The following PRAG1 variants were observed in gnomAD, a reference collection of about 807,000 sequenced individuals.
The protein encoded by PRAG1 is PEAK1 related, kinase-activating pseudokinase 1.
PRAG1 carries 110 observed loss-of-function variants against 95.6 expected under a neutral mutation model. The observed-to-expected ratio is 1.15, with a 90% CI of 0.99 to 1.35. The LOEUF (loss-of-function observed/expected upper bound fraction) is 1.35. PRAG1 is among the 40% of genes most tolerant of loss of function. The pLI is 0.00. For synonymous variants in PRAG1, 1,052 were observed against 819.4 expected (o/e 1.28, Z -4.85); for missense variants, 2,554 against 1,864.7 (o/e 1.37, Z -6.81).
chr8:8,348,569 G>C (rs982766976), intron 3 of PRAG1, among the ~76,000 whole-genome samples: 1 of 151,982 alleles, frequency 6.6e-6, no homozygotes, highest in Non-Finnish European at 1.5e-5. Context: ...TTTGTCCTCT[G>C]ATTGTCTCCA....
At chr8:8,376,113 A>G (rs1800376980) in intron 3 of PRAG1, 134 bp downstream of exon 3, 1 of 1,263,134 alleles carries the variant, frequency 7.9e-7, no homozygotes, top group Admixed American at 2.5e-5. Flanking sequence ...GACCCTGGGA[A>G]ATTTACATAA....
intron 4 of PRAG1, among the ~76,000 whole-genome samples, chr8:8,331,565 A>G (rs1355441504): frequency 1.3e-5 from 2 of 152,128 alleles, no homozygotes; most frequent in Non-Finnish European, 2.9e-5. Flanking sequence ...TCTCGGTTCA[A>G]TTGTTCTTCC....
At position 8,377,529 on chromosome 8, in the gene PRAG1, A is replaced by T. The variant is rs765286369; in HGVS notation, c.880T>A (p.Cys294Ser). Residue 294 changes from cysteine to serine, a missense_variant, in exon 3 of 6, where the codon TGT (cysteine) becomes AGT (serine). Physicochemically the swap from Cys to Ser is moderately radical, Grantham distance 112. Coordinates refer to ENST00000615670, the MANE Select transcript of PRAG1 (RefSeq NM_001080826.3). ...CSPTCWEQGK[C>S]SGPAEQEKRG... ...TTCTCCTGCTCTGCGGGCCCGGAAC[A>T]CTTCCCCTGCTCCCAGCACGTGGGT... The T allele has an allele frequency of 6.3e-7, 1 of 1,583,386 alleles. No homozygotes were observed. The highest frequency in any genetic ancestry group is 8.6e-7 in the Non-Finnish European group (1 of 1,163,584).
intron 3 of PRAG1, among the ~76,000 whole-genome samples, chr8:8,347,850 T>C (rs1011961011): frequency 6.7e-6 from 1 of 148,614 alleles, no homozygotes; most frequent in Admixed American, 6.6e-5. Flanking sequence ...AAAGTCTCAC[T>C]CTGTCACCCA....
chr8:8,332,660 C>T (rs1798858477), intron 4 of PRAG1, among the ~76,000 whole-genome samples: 1 of 150,310 alleles, frequency 6.7e-6, no homozygotes, highest in South Asian at 2.1e-4. Context: ...TCCAGGCCTC[C>T]GAGGATCCTA....
chr8:8,342,228 C>G (rs1799192109), intron 3 of PRAG1, among the ~76,000 whole-genome samples: 1 of 145,556 alleles, frequency 6.9e-6, no homozygotes, highest in Admixed American at 6.9e-5. Context: ...GAGTCTTGCT[C>G]TGTTGCCCAG....
In PRAG1 at chr8:8,319,054, C is replaced by G. The variant is rs753323204; in HGVS notation, c.3321G>C (p.Ser1107=). Residue 1107 remains serine (S), a synonymous_variant, in exon 6 of 6, where the codon TCG becomes TCC. Transcript: ENST00000615670. ...CGGGCTCCGCCTGGTGGCTGGCCGC[C>G]GAGTCCCGCACGAAGTCGGAGGCGG... ...HQTASDFVRD[S]AASHQAEPEA... is the part of the protein sequence containing the mutation. 5 of 1,612,460 alleles carry G rather than the reference C, an allele frequency of 3.1e-6. No homozygotes were observed. Among genetic ancestry groups the G allele is most frequent in the East Asian group, 4.5e-5 (2 of 44,854 alleles).
At chr8:8,378,681 C>A (rs2921003) in intron 2 of PRAG1, among the ~76,000 whole-genome samples, 87,032 of 151,662 alleles carry the variant, frequency 0.57, 25,919 homozygotes, top group East Asian at 0.77. Flanking sequence ...GCAACATGGC[C>A]AAATCCCATC....
rs761693874 is a variant in PRAG1 at position 8,318,366 on chromosome 8, C to A, written c.4009G>T (p.Val1337Leu). 7 of 1,613,536 alleles carry A rather than the reference C, an allele frequency of 4.3e-6. No homozygotes were observed. The South Asian group carries it at 7.7e-5, about 18-fold the overall frequency. ...TCCTCCGAGGTGCCCGGCTGCTGCA[C>A]CAGCTCGCGCCGAGGCCCCCACAGC... The part of the protein sequence containing the change: ...CLLWGPRREL[V>L]QQPGTSEEAL... Residue 1337 changes from valine to leucine, a missense_variant, in exon 6 of 6, where the codon GTG becomes TTG. Transcript: ENST00000615670. This position sits in a 1 kb window ranked among gnomAD's most constrained non-coding sequence, Gnocchi z 4.2.
rs372912459 is a variant in PRAG1 at position 8,377,896 on chromosome 8, G to A, written c.513C>T (p.Gly171=). The change falls in exon 3 of 6, where the codon GGC becomes GGT. Residue 171 remains glycine (G), a synonymous_variant. Coordinates refer to ENST00000615670, the MANE Select transcript of PRAG1 (RefSeq NM_001080826.3). ...MVGLHNLEPR[G]ERNIAFHPVS... ...CCGGGTGGAAGGCAATGTTCCTCTC[G>A]CCGCGGGGCTCAAGGTTGTGCAGGC... 30 of 1,614,064 alleles carry A rather than the reference G, an allele frequency of 1.9e-5. No individual in the cohort carries two copies. The highest frequency in any genetic ancestry group is 1.6e-4 in the Middle Eastern group (1 of 6,062).
At chr8:8,327,244 G>C (rs1798659063) in intron 5 of PRAG1, among the ~76,000 whole-genome samples, 1 of 152,182 alleles carries the variant, frequency 6.6e-6, no homozygotes, top group African/African-American at 2.4e-5. Flanking sequence ...GGGGCAGAGA[G>C]AGAGTGAAGC....
Position 8,318,981 on chromosome 8 carries a change from C to T in PRAG1, c.3394G>A (p.Gly1132Arg), listed in dbSNP as rs1210277395. The T allele has an allele frequency of 1.2e-6, 2 of 1,613,214 alleles. No homozygotes were observed. Among genetic ancestry groups the T allele is most frequent in the Admixed American group, 1.7e-5 (1 of 59,978 alleles). Residue 1132 changes from glycine to arginine, a missense_variant, in exon 6 of 6, where the codon GGG becomes AGG. Gly to Arg is a moderately radical substitution (Grantham distance 125). Transcript: ENST00000615670. This position sits in a 1 kb window ranked among gnomAD's most constrained non-coding sequence, Gnocchi z 4.2. ...CCGTGCTCCTTCAGGTGCTCCAGCC[C>T]GTTGCAGAGTTGCAGAAGCAGGAAG... ...VCFLLLQLCN[G>R]LEHLKEHGII...
In PRAG1 at chr8:8,327,859, T is replaced by G. The variant is rs767658390; in HGVS notation, c.2923A>C (p.Met975Leu). The stretch of plus-strand genomic sequence containing the variant: ...TGGAGCTCCTTTTTCTGGCCGCCCA[T>G]GAAGAGGTCCTCACATTTGGCTACA... The part of the protein sequence containing the change: ...RLVAKCEDLF[M>L]GGQKKELHFN... The change falls in exon 5 of 6, where the codon ATG becomes CTG. Residue 975 changes from methionine to leucine, a missense_variant. Transcript: ENST00000615670. 1.9e-6 allele frequency: 3 copies of G among 1,614,080 alleles called. No individual in the cohort carries two copies.
intron 3 of PRAG1, among the ~76,000 whole-genome samples, chr8:8,343,736 T>C (rs983013350): frequency 9.2e-5 from 14 of 152,172 alleles, no homozygotes; most frequent in Admixed American, 9.2e-4. Context: ...ACTCTGCTGT[T>C]GTAGCTGGAA....
chr8:8,367,726 C>T (rs1467123023), intron 3 of PRAG1, among the ~76,000 whole-genome samples: 1 of 151,952 alleles, frequency 6.6e-6, no homozygotes, highest in African/African-American at 2.4e-5. Flanking sequence ...ACTGCAAGCT[C>T]CGCCTCCTGA....
At chr8:8,320,116 T>C (rs1397156018) in intron 5 of PRAG1, among the ~76,000 whole-genome samples, 2 of 152,166 alleles carry the variant, frequency 1.3e-5, no homozygotes, top group East Asian at 1.9e-4. Context: ...TCGGGAGGTA[T>C]TGGTAGGAAG....
intron 2 of PRAG1, among the ~76,000 whole-genome samples, chr8:8,378,625 C>T (rs766194433): frequency 1.1e-4 from 17 of 151,940 alleles, no homozygotes; most frequent in Non-Finnish European, 1.9e-4. Flanking sequence ...TATGGTGGGC[C>T]GAGGAGGGCA....
At position 8,328,413 on chromosome 8, in the gene PRAG1, A is replaced by G. The variant is rs1297729439; in HGVS notation, c.2369T>C (p.Leu790Pro). 3.1e-6 allele frequency: 5 copies of G among 1,613,672 alleles called. No individual in the cohort carries two copies. Among genetic ancestry groups the G allele is most frequent in the East Asian group, 2.2e-5 (1 of 44,878 alleles). Residue 790 changes from leucine to proline, a missense_variant, in exon 5 of 6, where the codon CTC becomes CCC. Transcript: ENST00000615670. ...TGAAGGAAACGGAACGGGAGCAAAG[A>G]GCTTCTTCCCGCTGTTGGTGGGCGA... ...AHSPTNSGKK[L>P]FAPVPFPSGS...
chr8:8,381,941 G>A (rs186850898), intron 1 of PRAG1, 107 bp from the exon 2 acceptor site: 113 of 532,998 alleles, frequency 2.1e-4, no homozygotes, highest in African/African-American at 2.1e-3. Flanking sequence ...GGAGAAAAAG[G>A]TAAAGATTAG....
Sources: gnomAD v4.1 joint callset for allele counts (sites outside exome capture counted in the v4.1 genomes callset) on GRCh38, gnomAD v4.1.1 for gene constraint, Gnocchi (gnomAD v3.1) non-coding constraint, MANE v1.5 for transcripts, NCBI Gene and HGNC (gene_info 2026-07-23, HGNC 2026-07-21) for gene names.